Variants in UPF2 observed in about 807,000 individuals in gnomAD.
UPF2 encodes the protein UPF2 regulator of nonsense mediated mRNA decay, also known as regulator of nonsense transcripts 2.
In UPF2, 17 loss-of-function variants were observed where a neutral mutation model predicts 141.4. That is an observed-to-expected ratio of 0.12 (90% CI 0.08 to 0.18). UPF2 has a LOEUF of 0.18. UPF2 is among the 10% of genes least tolerant of loss of function. UPF2 has a pLI of 1.00. For synonymous variants in UPF2, 540 were observed against 498.0 expected (o/e 1.08, Z -1.12); for missense variants, 1,152 against 1,515.9 (o/e 0.76, Z 3.99).
intron 11 of UPF2, among the ~76,000 whole-genome samples, chr10:11,963,800 A>G (rs1183331776): frequency 2.0e-5 from 3 of 152,188 alleles, no homozygotes; most frequent in African/African-American, 7.2e-5. Context: ...ACCCCTTGCA[A>G]TACTGTGAAC....
At chr10:12,023,528 T>C (rs1331563383) in intron 3 of UPF2, among the ~76,000 whole-genome samples, 1 of 98,768 alleles carries the variant, frequency 1.0e-5, no homozygotes, top group Non-Finnish European at 2.0e-5. Flanking sequence ...AAAAAAAAAA[T>C]AGAGAATTAA....
At chr10:11,984,960 G>T (rs567338761) in intron 8 of UPF2, among the ~76,000 whole-genome samples, 1 of 152,110 alleles carries the variant, frequency 6.6e-6, no homozygotes, top group African/African-American at 2.4e-5. Context: ...TGATCCACCC[G>T]CCTCGGCCTC....
At chr10:11,926,897 G>A (rs1377008213) in intron 21 of UPF2, among the ~76,000 whole-genome samples, 9 of 152,156 alleles carry the variant, frequency 5.9e-5, no homozygotes, top group Admixed American at 4.6e-4. Flanking sequence ...GACTAACACC[G>A]GTAACCAGGT....
intron 3 of UPF2, among the ~76,000 whole-genome samples, chr10:12,025,721 A>T (rs980626537): frequency 2.6e-5 from 4 of 152,184 alleles, no homozygotes; most frequent in African/African-American, 9.7e-5. Context: ...ATCCTTTTCA[A>T]ATTTTTATCA....
intron 8 of UPF2, among the ~76,000 whole-genome samples, chr10:11,990,273 A>T (rs1588556073): frequency 6.6e-6 from 1 of 152,222 alleles, no homozygotes; most frequent in East Asian, 1.9e-4. Context: ...CTACCTTTCA[A>T]TGATAAACCC....
chr10:12,036,677 T>C lies in UPF2; in HGVS notation c.-18-1236A>G, dbSNP rs1372640266. Among the ~76,000 whole-genome samples, 7 of 152,234 alleles carry C rather than the reference T, an allele frequency of 4.6e-5. No homozygotes were observed. The South Asian group carries it at 1.2e-3, about 27-fold the overall frequency. On this transcript the variant is annotated intron_variant, in intron 1 of 21. Coordinates refer to ENST00000357604, the MANE Select transcript of UPF2 (RefSeq NM_015542.4). ...TCAGAACTAGTTGTCTAATTTCTTT[T>C]AGGCATGGTGTTTCACGTTTTAACT...
At chr10:12,002,841 A>G (rs535679484) in intron 5 of UPF2, among the ~76,000 whole-genome samples, 2 of 152,336 alleles carry the variant, frequency 1.3e-5, no homozygotes, top group African/African-American at 2.4e-5. Context: ...TGTTTTCGCA[A>G]ATCAAATAAA....
In UPF2 at chr10:11,948,428, C is replaced by T; in HGVS notation, c.3115G>A (p.Gly1039Arg). 1 of 1,612,878 alleles carries T rather than the reference C, an allele frequency of 6.2e-7. No homozygotes were observed. Among genetic ancestry groups the T allele is most frequent in the South Asian group, 1.1e-5 (1 of 90,996 alleles). ...LEEDEEEEEGGAETEEQSGNE... is the reference protein window; with the variant it reads ...LEEDEEEEEGRAETEEQSGNE... ...CCAGATTGTTCTTCTGTTTCAGCCC[C>T]ACCTTCTTCTTCTTCTTCATCCTCT... Residue 1039 changes from glycine to arginine, a missense_variant, in exon 16 of 22, where the codon GGG becomes AGG. By Grantham distance (125) the Gly-to-Arg change is moderately radical. Coordinates refer to ENST00000357604, the MANE Select transcript of UPF2 (RefSeq NM_015542.4).
At chr10:11,962,289 A>G (rs1833253148) in intron 11 of UPF2, among the ~76,000 whole-genome samples, 1 of 152,240 alleles carries the variant, frequency 6.6e-6, no homozygotes. Context: ...AAATGTGAAT[A>G]CATTTTAGAT....
At chr10:12,032,144 A>G (rs1024766622) in intron 2 of UPF2, among the ~76,000 whole-genome samples, 1 of 152,026 alleles carries the variant, frequency 6.6e-6, no homozygotes, top group Non-Finnish European at 1.5e-5. Flanking sequence ...AAATACAAAA[A>G]TTAGCCGGGC....
rs1056262526 is a variant in UPF2, at chr10:11,959,903, C to T, written c.2185-547G>A. ...ACTAGCCCGTGCCTACTTAGCCTTA[C>T]GTTTCATCCAATAAAATACTAGAGA... On this transcript the variant is annotated intron_variant, in intron 11 of 21. Transcript: ENST00000357604. The surrounding 1 kb of genome is among the most constrained non-coding windows in gnomAD (Gnocchi z 5.9). 3.7e-4 allele frequency among the ~76,000 whole-genome samples: 56 copies of T among 152,312 alleles called. No homozygotes were observed. The highest frequency in any genetic ancestry group is 1.2e-3 in the African/African-American group (51 of 41,558).
chr10:12,039,921 G>T (rs7090246), intron 1 of UPF2, among the ~76,000 whole-genome samples: 126,596 of 152,036 alleles, frequency 0.83, 52,991 homozygotes, highest in Non-Finnish European at 0.88. Context: ...GTGGCTGGCA[G>T]CATGTCTCAT....
In UPF2 at chr10:12,031,173, C is replaced by CAAA. The variant is rs1230080718; in HGVS notation, c.366-1652_366-1650dup. Among the ~76,000 whole-genome samples, 70 of 29,570 alleles carry CAAA rather than the reference C, an allele frequency of 2.4e-3. 14 individuals are homozygous for CAAA. Among genetic ancestry groups the CAAA allele is most frequent in the East Asian group, 2.8e-3 (3 of 1,088 alleles). The allele number at this position is 29,570 out of a possible 152,430, so 19.4% of individuals were successfully genotyped here. ...TGGGCGAAAGAGCAAGACTCCATCT[C>CAAA]AAAAAAAAAAAAAAAAACAAAACAG... On this transcript the variant is annotated intron_variant, in intron 2 of 21. Transcript: ENST00000357604.
rs752337586 is a variant in UPF2 at position 11,964,031 on chromosome 10, T to C, written c.2162A>G (p.His721Arg). ...TACCAAAAGTACACTGGTCCTCAGGTGAGATTCTGGAGATCTGAAAAGAAA... is the reference window on the plus strand; with the variant it reads ...TACCAAAAGTACACTGGTCCTCAGGCGAGATTCTGGAGATCTGAAAAGAAA... ...GRFLFRSPES[H>R]LRTSVLLEQM... Residue 721 changes from histidine to arginine, a missense_variant, in exon 11 of 22, where the codon CAC becomes CGC. Transcript: ENST00000357604. 5.0e-6 allele frequency: 8 copies of C among 1,613,612 alleles called. No individual in the cohort carries two copies. The highest frequency in any genetic ancestry group is 8.5e-7 in the Non-Finnish European group (1 of 1,179,720).
chr10:11,999,801 G>C, intron 7 of UPF2, 105 bp downstream of exon 7: 1 of 899,162 alleles, frequency 1.1e-6, no homozygotes, highest in South Asian at 1.4e-5. Context: ...TTGAAGAAAT[G>C]GTGGACTTTG....
intron 1 of UPF2, among the ~76,000 whole-genome samples, chr10:12,036,063 G>C (rs915844629): frequency 6.6e-6 from 1 of 152,184 alleles, no homozygotes; most frequent in African/African-American, 2.4e-5. Flanking sequence ...TTCTTCATCT[G>C]TATTAGTTAA....
intron 18 of UPF2, among the ~76,000 whole-genome samples, chr10:11,938,870 T>G (rs1038291503): frequency 9.8e-5 from 11 of 112,562 alleles, no homozygotes; most frequent in South Asian, 3.7e-4. Context: ...TTTTTTTTTT[T>G]TTTTTTTTTT....
intron 18 of UPF2, 147 bp downstream of exon 18, chr10:11,942,518 G>A (rs1832949125): frequency 1.7e-6 from 1 of 597,308 alleles, no homozygotes; most frequent in African/African-American, 1.9e-5. Context: ...AGGACAAGAA[G>A]CTGGCTGCAA....
At chr10:12,015,087 T>C (rs1346282644) in intron 3 of UPF2, among the ~76,000 whole-genome samples, 1 of 152,250 alleles carries the variant, frequency 6.6e-6, no homozygotes, top group Non-Finnish European at 1.5e-5. Flanking sequence ...ATTTTTTACA[T>C]ACAAAATATC....
Sources: gnomAD v4.1 joint callset for allele counts (sites outside exome capture counted in the v4.1 genomes callset) on GRCh38, gnomAD v4.1.1 for gene constraint, Gnocchi (gnomAD v3.1) non-coding constraint, MANE v1.5 for transcripts, NCBI Gene and HGNC (gene_info 2026-07-23, HGNC 2026-07-21) for gene names.